Variants in CNTNAP2 observed in about 807,000 individuals in gnomAD.
CNTNAP2 encodes the protein contactin-associated protein-like 2.
In CNTNAP2, 98 loss-of-function variants were observed where a neutral mutation model predicts 155.2. That is an observed-to-expected ratio of 0.63 (90% CI 0.54 to 0.75). The LOEUF (loss-of-function observed/expected upper bound fraction) is 0.75. Ranked by LOEUF, CNTNAP2 falls within the 30% of genes least tolerant of loss-of-function variation. The pLI is 0.00. For missense variants in CNTNAP2, 1,727 were observed against 1,688.1 expected (o/e 1.02, Z -0.40); for synonymous variants, 651 against 631.2 (o/e 1.03, Z -0.47).
chr7:147,905,632 C>G (rs1799944522), intron 14 of CNTNAP2, among the ~76,000 whole-genome samples: 1 of 152,218 alleles, frequency 6.6e-6, no homozygotes, highest in Non-Finnish European at 1.5e-5. Flanking sequence ...CCTATAATCC[C>G]AGCACTTTGG....
intron 1 of CNTNAP2, among the ~76,000 whole-genome samples, chr7:146,553,880 A>T (rs1343824975): frequency 6.6e-6 from 1 of 152,104 alleles, no homozygotes; most frequent in African/African-American, 2.4e-5. Flanking sequence ...AGTTTTCCAC[A>T]AGTGCTGGCT....
intron 9 of CNTNAP2, among the ~76,000 whole-genome samples, chr7:147,368,356 C>G (rs1259690511): frequency 6.6e-6 from 1 of 151,956 alleles, no homozygotes; most frequent in East Asian, 1.9e-4. Context: ...TGAAGAATGT[C>G]AGTTGAGTTG....
chr7:147,485,296 T>C (rs1252495627), intron 10 of CNTNAP2, among the ~76,000 whole-genome samples: 1 of 152,192 alleles, frequency 6.6e-6, no homozygotes, highest in East Asian at 1.9e-4. Flanking sequence ...AAAGGTTCAG[T>C]TAAGTAGCTA....
intron 1 of CNTNAP2, among the ~76,000 whole-genome samples, chr7:146,763,113 A>G (rs1023889050): frequency 6.6e-6 from 1 of 152,134 alleles, no homozygotes; most frequent in African/African-American, 2.4e-5. Flanking sequence ...GTTGGCTTCC[A>G]TCCCAGTCTT....
At chr7:146,158,705 C>T (rs1393052024) in intron 1 of CNTNAP2, among the ~76,000 whole-genome samples, 1 of 151,996 alleles carries the variant, frequency 6.6e-6, no homozygotes, top group Non-Finnish European at 1.5e-5. Context: ...AAAGAGTAAA[C>T]AGAAATGAAC....
At chr7:146,418,458 C>G (rs1340357312) in intron 1 of CNTNAP2, among the ~76,000 whole-genome samples, 1 of 151,812 alleles carries the variant, frequency 6.6e-6, no homozygotes, top group Non-Finnish European at 1.5e-5. Flanking sequence ...GCAAAGTTTC[C>G]CCAGAGGGAA....
At chr7:147,351,952 A>C (rs887696401) in intron 9 of CNTNAP2, among the ~76,000 whole-genome samples, 1 of 151,942 alleles carries the variant, frequency 6.6e-6, no homozygotes, top group African/African-American at 2.4e-5. Context: ...AATCTCCTTT[A>C]AAGACATTAT....
intron 12 of CNTNAP2, among the ~76,000 whole-genome samples, chr7:147,634,736 G>A (rs1307282965): frequency 6.6e-6 from 1 of 152,086 alleles, no homozygotes; most frequent in Non-Finnish European, 1.5e-5. Context: ...TTTTATTGAA[G>A]AATAGTATAT....
chr7:147,265,551 G>A (rs1470880790), intron 8 of CNTNAP2, among the ~76,000 whole-genome samples: 4 of 152,154 alleles, frequency 2.6e-5, no homozygotes, highest in Admixed American at 6.5e-5. Context: ...TGTGATCTCC[G>A]TGGATCAGTA....
At chr7:146,471,250 G>A (rs1246239582) in intron 1 of CNTNAP2, among the ~76,000 whole-genome samples, 3 of 152,094 alleles carry the variant, frequency 2.0e-5, no homozygotes, top group Non-Finnish European at 4.4e-5. Flanking sequence ...TTGTTTACTG[G>A]CCTTCCTCTG....
At chr7:146,300,861 C>G (rs890006979) in intron 1 of CNTNAP2, among the ~76,000 whole-genome samples, 10 of 152,022 alleles carry the variant, frequency 6.6e-5, no homozygotes, top group Non-Finnish European at 2.9e-5. Flanking sequence ...CTCTCAGTTT[C>G]CTGACAGCTA....
At chr7:147,307,600 A>G (rs1795055597) in intron 9 of CNTNAP2, among the ~76,000 whole-genome samples, 1 of 152,146 alleles carries the variant, frequency 6.6e-6, no homozygotes, top group South Asian at 2.1e-4. Context: ...GCCCCCCCAA[A>G]AAAGGAAATG....
At chr7:147,316,568 G>T (rs1225889119) in intron 9 of CNTNAP2, among the ~76,000 whole-genome samples, 1 of 152,066 alleles carries the variant, frequency 6.6e-6, no homozygotes, top group Non-Finnish European at 1.5e-5. Flanking sequence ...AATAAGGTTA[G>T]CCCTCAATCA....
chr7:147,798,467 A>G (rs1797936852), intron 13 of CNTNAP2, among the ~76,000 whole-genome samples: 1 of 152,242 alleles, frequency 6.6e-6, no homozygotes, highest in Non-Finnish European at 1.5e-5. Flanking sequence ...CTCTAGAGAT[A>G]CAACTCAGTG....
At chr7:147,646,259 C>G (rs1245117657) in intron 13 of CNTNAP2, among the ~76,000 whole-genome samples, 5 of 152,150 alleles carry the variant, frequency 3.3e-5, no homozygotes, top group Non-Finnish European at 7.3e-5. Flanking sequence ...AACTGGCCAA[C>G]AGTTCTAAGG....
chr7:148,322,040 C>A (rs186994716), intron 21 of CNTNAP2, among the ~76,000 whole-genome samples: 3 of 151,970 alleles, frequency 2.0e-5, no homozygotes, highest in African/African-American at 4.8e-5. Context: ...CCCCCTCCCC[C>A]ACCCCAACTA....
intron 13 of CNTNAP2, among the ~76,000 whole-genome samples, chr7:147,851,028 C>G (rs1423993777): frequency 1.3e-5 from 2 of 152,186 alleles, no homozygotes; most frequent in Non-Finnish European, 2.9e-5. Context: ...ACCCATCTGA[C>G]AAAGGGCTAA....
chr7:147,607,957 G>T (rs1043341191), intron 12 of CNTNAP2, among the ~76,000 whole-genome samples: 10 of 152,132 alleles, frequency 6.6e-5, no homozygotes, highest in African/African-American at 2.4e-4. Context: ...GATGACCCTA[G>T]CAGGTGCCTG....
At chr7:146,164,372 T>C (rs1798279604) in intron 1 of CNTNAP2, among the ~76,000 whole-genome samples, 3 of 152,206 alleles carry the variant, frequency 2.0e-5, no homozygotes, top group South Asian at 2.1e-4. Context: ...TTTTTGTTTT[T>C]TCTTTTTAAA....
Sources: gnomAD v4.1 joint callset for allele counts (sites outside exome capture counted in the v4.1 genomes callset) on GRCh38, gnomAD v4.1.1 for gene constraint, MANE v1.5 for transcripts, NCBI Gene and HGNC (gene_info 2026-07-23, HGNC 2026-07-21) for gene names.